CSMD1: variants seen among roughly 807,000 people sequenced by gnomAD.
CSMD1 encodes CUB and Sushi multiple domains 1.
Under a neutral mutation model 417.5 loss-of-function variants are expected in CSMD1, and 213 were observed. The ratio of observed to expected loss-of-function variants is 0.51; its 90% confidence interval spans 0.46 to 0.57. The LOEUF (loss-of-function observed/expected upper bound fraction) is 0.57. CSMD1 is among the 20% of genes least tolerant of loss of function. The pLI, the probability that CSMD1 is intolerant of heterozygous loss-of-function variation, is 0.00. For synonymous variants in CSMD1, 2,862 were observed against 1,736.8 expected, an observed-to-expected ratio of 1.65 and a Z score of -16.11; for missense variants, 6,923 against 4,529.7, an observed-to-expected ratio of 1.53 and a Z score of -15.17.
At chr8:3,887,745 G>C (rs1288865766) in intron 5 of CSMD1, among the ~76,000 whole-genome samples, 1 of 152,158 alleles carries the variant, frequency 6.6e-6, no homozygotes, top group Non-Finnish European at 1.5e-5. Context: ...AAAAAACTCA[G>C]ATTACTGTAA....
intron 5 of CSMD1, among the ~76,000 whole-genome samples, chr8:3,880,946 G>C (rs1366262047): frequency 1.3e-5 from 2 of 151,978 alleles, no homozygotes; most frequent in Non-Finnish European, 2.9e-5. Context: ...TGCAAAATTA[G>C]TATAGAAAAG....
At chr8:3,608,094 C>T (rs915097620) in intron 8 of CSMD1, among the ~76,000 whole-genome samples, 1 of 151,312 alleles carries the variant, frequency 6.6e-6, no homozygotes, top group African/African-American at 2.4e-5. Context: ...ATTGTTTGAA[C>T]CTGGGAGGTG....
intron 5 of CSMD1, among the ~76,000 whole-genome samples, chr8:3,843,084 T>C (rs1205694776): frequency 6.6e-6 from 1 of 152,168 alleles, no homozygotes; most frequent in South Asian, 2.1e-4. Flanking sequence ...TTCAGTATCG[T>C]TTTCTCTTTT....
At position 4,302,072 on chromosome 8, in the gene CSMD1, T is replaced by A. The variant is rs946824267; in HGVS notation, c.415+117881A>T. 5.3e-5 allele frequency among the ~76,000 whole-genome samples: 8 copies of A among 152,314 alleles called. No individual in the cohort carries two copies. The South Asian group carries it at 1.7e-3, about 32-fold the overall frequency. On this transcript the variant is annotated intron_variant, in intron 3 of 69. Coordinates refer to ENST00000635120, the MANE Select transcript of CSMD1 (RefSeq NM_033225.6). ...TTTTTCATTAGAATTTTCCACAAAC[T>A]TTATGAAGACCCCTTGTATAGTTCA... is the stretch of plus-strand genomic sequence containing the variant.
chr8:3,739,309 G>C (rs547962743), intron 6 of CSMD1, among the ~76,000 whole-genome samples: 1 of 152,184 alleles, frequency 6.6e-6, no homozygotes, highest in Admixed American at 6.5e-5. Flanking sequence ...ATTACAGCTA[G>C]ACAGGATGAA....
At chr8:4,785,416 T>C (rs79623337) in intron 1 of CSMD1, among the ~76,000 whole-genome samples, 1,604 of 152,236 alleles carry the variant, frequency 0.011, 11 homozygotes, top group East Asian at 0.056. Context: ...GGTACCAAAA[T>C]GCCCCCACAG....
At chr8:3,397,249 G>A (rs1023633389) in intron 16 of CSMD1, among the ~76,000 whole-genome samples, 3 of 152,162 alleles carry the variant, frequency 2.0e-5, no homozygotes, top group African/African-American at 4.8e-5. Flanking sequence ...CAGTCACTTT[G>A]AGCCAAAGGA....
At position 3,179,032 on chromosome 8, in the gene CSMD1, C is replaced by G. The variant is rs377577405; in HGVS notation, c.5725+2078G>C. On this transcript the variant is annotated intron_variant, in intron 37 of 69. Coordinates refer to ENST00000635120, the MANE Select transcript of CSMD1 (RefSeq NM_033225.6). ...GCGCGATCTTGGCTCACTGCAAGCTCTGCCTCCCGGGTTCACGCCATTCTC... is the reference window on the plus strand; with the variant it reads ...GCGCGATCTTGGCTCACTGCAAGCTGTGCCTCCCGGGTTCACGCCATTCTC... 4.4e-4 allele frequency among the ~76,000 whole-genome samples: 67 copies of G among 150,928 alleles called. No homozygotes were observed. The East Asian group carries it at 0.012, about 28-fold the overall frequency.
At chr8:3,822,628 C>G (rs542379149) in intron 5 of CSMD1, among the ~76,000 whole-genome samples, 2 of 152,174 alleles carry the variant, frequency 1.3e-5, no homozygotes, top group African/African-American at 4.8e-5. Context: ...CCCGCTACCT[C>G]TACTTGCTTT....
At chr8:4,555,805 T>C (rs1798063430) in intron 2 of CSMD1, among the ~76,000 whole-genome samples, 1 of 152,122 alleles carries the variant, frequency 6.6e-6, no homozygotes, top group Admixed American at 6.6e-5. Flanking sequence ...TTAGAAAACC[T>C]ATTAGCTTTT....
intron 57 of CSMD1, among the ~76,000 whole-genome samples, chr8:2,969,959 G>A (rs1804299375): frequency 6.6e-6 from 1 of 152,058 alleles, no homozygotes; most frequent in Non-Finnish European, 1.5e-5. Flanking sequence ...TGTGAGGCAT[G>A]ATATATTTGA....
chr8:4,050,082 C>T (rs987576248), intron 3 of CSMD1, among the ~76,000 whole-genome samples: 5 of 152,150 alleles, frequency 3.3e-5, no homozygotes, highest in Non-Finnish European at 7.3e-5. Flanking sequence ...TGTTTTCTCA[C>T]AGTGCACCAG....
intron 5 of CSMD1, among the ~76,000 whole-genome samples, chr8:3,941,343 A>G (rs955928568): frequency 6.6e-6 from 1 of 152,172 alleles, no homozygotes; most frequent in African/African-American, 2.4e-5. Context: ...CTTTTCTTCT[A>G]CATTGTATAA....
intron 2 of CSMD1, among the ~76,000 whole-genome samples, chr8:4,469,239 A>T (rs539642630): frequency 6.6e-6 from 1 of 152,088 alleles, no homozygotes; most frequent in Non-Finnish European, 1.5e-5. Context: ...GAAAGCTCAT[A>T]AAAGGAGCTC....
At chr8:3,254,930 G>T (rs1268814859) in intron 26 of CSMD1, among the ~76,000 whole-genome samples, 1 of 152,136 alleles carries the variant, frequency 6.6e-6, no homozygotes, top group Admixed American at 6.5e-5. Flanking sequence ...GATTTCCTTT[G>T]GAGGAGGAGA....
chr8:3,888,856 G>C (rs559160046), intron 5 of CSMD1, among the ~76,000 whole-genome samples: 1 of 152,136 alleles, frequency 6.6e-6, no homozygotes, highest in African/African-American at 2.4e-5. Context: ...GTCTATAAAT[G>C]TATTCTATTT....
rs372061908 is a variant in CSMD1 at position 3,110,863 on chromosome 8, C to T, written c.6431-528G>A. Among the ~76,000 whole-genome samples the T allele has an allele frequency of 2.4e-4, 37 of 152,190 alleles. No individual in the cohort carries two copies. In the South Asian group the frequency reaches 3.3e-3, roughly 14 times the overall value. On this transcript the variant is annotated intron_variant, in intron 42 of 69. Transcript: ENST00000635120. ...GTAAGATTATGTAAGTGGTGTTTTGCGGAAGCATTTCCAGTTTTTACTAGT... is the reference window on the plus strand; with the variant it reads ...GTAAGATTATGTAAGTGGTGTTTTGTGGAAGCATTTCCAGTTTTTACTAGT...
At chr8:4,303,704 G>A (rs1222440590) in intron 3 of CSMD1, among the ~76,000 whole-genome samples, 1 of 151,774 alleles carries the variant, frequency 6.6e-6, no homozygotes, top group Non-Finnish European at 1.5e-5. Context: ...TGCCCAGACT[G>A]GAGCTCACTG....
At chr8:4,240,927 C>G (rs923598188) in intron 3 of CSMD1, among the ~76,000 whole-genome samples, 2 of 152,102 alleles carry the variant, frequency 1.3e-5, no homozygotes. Context: ...AATTATTTTT[C>G]CATTACCAAC....
Sources: allele counts gnomAD v4.1 joint callset (sites outside exome capture counted in the v4.1 genomes callset), GRCh38; gene constraint gnomAD v4.1.1; transcripts MANE v1.5; gene names NCBI Gene and HGNC (gene_info 2026-07-23, HGNC 2026-07-21).